Variants in CSGALNACT1 observed in about 807,000 individuals in gnomAD.
The protein encoded by CSGALNACT1 is beta4GalNAcT-1.
CSGALNACT1 carries 52 observed loss-of-function variants against 51.0 expected under a neutral mutation model. That is an observed-to-expected ratio of 1.02 (90% confidence interval 0.82 to 1.29). The LOEUF is 1.29. Ranked by LOEUF, CSGALNACT1 falls within the 50% of genes most tolerant of loss-of-function variation. CSGALNACT1 has a pLI of 0.00. For synonymous variants in CSGALNACT1, 341 were observed against 254.4 expected, an observed-to-expected ratio of 1.34 and a Z score of -3.24; for missense variants, 935 against 679.2, an observed-to-expected ratio of 1.38 and a Z score of -4.19.
chr8:19,720,914 G>C (rs762921663), intron 1 of CSGALNACT1, among the ~76,000 whole-genome samples: 1 of 152,168 alleles, frequency 6.6e-6, no homozygotes, highest in Non-Finnish European at 1.5e-5. Flanking sequence ...TGGTAAGGAC[G>C]GCCCTGTGCA....
At chr8:19,429,237 T>A (rs1015934506) in intron 6 of CSGALNACT1, among the ~76,000 whole-genome samples, 1 of 152,192 alleles carries the variant, frequency 6.6e-6, no homozygotes, top group Non-Finnish European at 1.5e-5. Context: ...AGTACAGTGG[T>A]GCAATCTTGG....
chr8:19,606,315 A>G (rs1206375711), upstream of CSGALNACT1, among the ~76,000 whole-genome samples: 1 of 152,198 alleles, frequency 6.6e-6, no homozygotes, highest in African/African-American at 2.4e-5. Flanking sequence ...TAAATCAGTG[A>G]AGTCCCTTAT....
At chr8:19,555,681 C>T (rs1289640879) in intron 3 of CSGALNACT1, among the ~76,000 whole-genome samples, 3 of 152,196 alleles carry the variant, frequency 2.0e-5, no homozygotes, top group Non-Finnish European at 2.9e-5. Context: ...CTTCAGACTT[C>T]ACTTAGCATG....
chr8:19,734,840 A>G (rs1432213358), intron 1 of CSGALNACT1, among the ~76,000 whole-genome samples: 2 of 152,090 alleles, frequency 1.3e-5, no homozygotes, highest in East Asian at 3.9e-4. Context: ...ATATGTATAT[A>G]TGTGTGTATG....
At chr8:19,545,260 G>A (rs2086198553) in intron 3 of CSGALNACT1, among the ~76,000 whole-genome samples, 1 of 152,198 alleles carries the variant, frequency 6.6e-6, no homozygotes, top group Admixed American at 6.5e-5. Flanking sequence ...AAATGAGGAT[G>A]TCCTTGTGGT....
rs569197618 is a variant in CSGALNACT1 at position 19,656,600 on chromosome 8, C to A, written c.-544+25873G>T. Among the ~76,000 whole-genome samples, 313 of 137,936 alleles carry A rather than the reference C, an allele frequency of 2.3e-3. 10 individuals are homozygous for A. Among genetic ancestry groups the A allele is most frequent in the Middle Eastern group, 0.018 (5 of 276 alleles). 90.5% of individuals were successfully genotyped at this position (137,936 alleles called of 152,430 possible). A position where few individuals can be genotyped will look rare whatever the true frequency, so the allele number is the denominator to read the frequency against. On this transcript the variant is annotated intron_variant, in intron 1 of 9. Transcript: ENST00000332246. ...AACCAGGAGAAACTACGCCCCCCCC[C>A]CACACACACACACGAGATCAGCAAA...
In CSGALNACT1 at chr8:19,654,049, G is replaced by A. The variant is rs2058056742; in HGVS notation, c.-544+28424C>T. Among the ~76,000 whole-genome samples the A allele has an allele frequency of 2.6e-5, 4 of 152,114 alleles. No homozygotes were observed. In the South Asian group the frequency reaches 8.3e-4, roughly 32 times the overall value. On this transcript the variant is annotated intron_variant, in intron 1 of 9. Coordinates refer to the CSGALNACT1 transcript ENST00000332246. ...GAAAGTCCAAAGCTGATCCTGCAAC[G>A]CCTAAGGTGTGCCCACTGCATGAAA...
At chr8:19,500,977 C>T (rs1359360683) in intron 4 of CSGALNACT1, among the ~76,000 whole-genome samples, 3 of 152,138 alleles carry the variant, frequency 2.0e-5, no homozygotes, top group East Asian at 1.9e-4. Flanking sequence ...AGGCCGGGCA[C>T]GGTGGCTCAC....
chr8:19,666,881 GAA>G (rs769888205), intron 1 of CSGALNACT1, among the ~76,000 whole-genome samples: 3,604 of 119,188 alleles, frequency 0.03, 254 homozygotes, highest in South Asian at 0.036. Context: ...AAGAAAGAAA[GAA>G]AGAGAGAGAG....
At chr8:19,715,814 T>C (rs550148858) in intron 1 of CSGALNACT1, among the ~76,000 whole-genome samples, 8 of 152,282 alleles carry the variant, frequency 5.3e-5, no homozygotes, top group South Asian at 4.2e-4. Flanking sequence ...GTTTGTTGTC[T>C]CTGTGGTTAC....
At position 19,709,369 on chromosome 8, in the gene CSGALNACT1, C is replaced by T. The variant is rs548022930; in HGVS notation, c.-297+48481G>A. ...GGCCTGCCTTCAAGGGGCTTATATT[C>T]TAGTGAAGGGAGGAAGAGACAATAG... On this transcript the variant is annotated intron_variant, in intron 1 of 1. Coordinates refer to the CSGALNACT1 transcript ENST00000517494. Among the ~76,000 whole-genome samples, 266 of 152,336 alleles carry T rather than the reference C, an allele frequency of 1.7e-3. 2 individuals are homozygous for T. The South Asian group carries it at 0.028, about 16-fold the overall frequency.
At chr8:19,544,375 G>T (rs973020108) in intron 3 of CSGALNACT1, among the ~76,000 whole-genome samples, 3 of 152,098 alleles carry the variant, frequency 2.0e-5, no homozygotes, top group Admixed American at 2.0e-4. Flanking sequence ...ACAAATCAAT[G>T]AATAACTTTT....
intron 3 of CSGALNACT1, among the ~76,000 whole-genome samples, chr8:19,587,500 A>G (rs1050079524): frequency 2.6e-5 from 4 of 152,318 alleles, no homozygotes; most frequent in Middle Eastern, 3.4e-3. Context: ...CTTGGTCCCA[A>G]TATAAACAAA....
At chr8:19,444,269 T>C (rs183225031) in intron 5 of CSGALNACT1, among the ~76,000 whole-genome samples, 2 of 152,344 alleles carry the variant, frequency 1.3e-5, no homozygotes, top group Non-Finnish European at 2.9e-5. Context: ...GTAAATGCTA[T>C]GTAAAGTGTT....
chr8:19,609,262 T>C (rs985644768), intron 1 of CSGALNACT1, among the ~76,000 whole-genome samples: 7 of 150,622 alleles, frequency 4.6e-5, no homozygotes, highest in East Asian at 1.9e-4. Flanking sequence ...ATATTGCTTA[T>C]AGATGTCATT....
intron 2 of CSGALNACT1, among the ~76,000 whole-genome samples, chr8:19,601,159 G>C (rs1356325115): frequency 6.6e-6 from 1 of 152,152 alleles, no homozygotes; most frequent in Non-Finnish European, 1.5e-5. Flanking sequence ...GGTTACAAGA[G>C]CAGAACTAAA....
intron 6 of CSGALNACT1, among the ~76,000 whole-genome samples, chr8:19,424,967 G>T (rs554816165): frequency 2.6e-5 from 4 of 152,144 alleles, no homozygotes; most frequent in Non-Finnish European, 5.9e-5. Flanking sequence ...AGATGATTCC[G>T]ATTGTGAAAG....
chr8:19,666,949 A>C (rs1236083391), intron 1 of CSGALNACT1, among the ~76,000 whole-genome samples: 4 of 14,384 alleles, frequency 2.8e-4, no homozygotes, highest in African/African-American at 1.5e-3. Context: ...GAGAAAAAGA[A>C]AGAAAGAAAG....
upstream of CSGALNACT1, among the ~76,000 whole-genome samples, chr8:19,683,436 T>C (rs1276277673): frequency 6.6e-6 from 1 of 152,184 alleles, no homozygotes; most frequent in Non-Finnish European, 1.5e-5. Context: ...CCATTAGAAT[T>C]ACTAAGAGTT....
Sources: gnomAD v4.1 joint callset for allele counts (sites outside exome capture counted in the v4.1 genomes callset) on GRCh38, gnomAD v4.1.1 for gene constraint, MANE v1.5 for transcripts, NCBI Gene and HGNC (gene_info 2026-07-23, HGNC 2026-07-21) for gene names.